ZNF302: variants seen among roughly 807,000 people sequenced by gnomAD.
ZNF302 encodes zinc finger protein 327.
Under a neutral mutation model 10.8 loss-of-function variants are expected in ZNF302, and 12 were observed. The ratio of observed to expected loss-of-function variants is 1.11; its 90% CI spans 0.71 to 1.79. ZNF302 has a LOEUF of 1.79. Ranked by LOEUF, ZNF302 falls within the 40% of genes most tolerant of loss-of-function variation. ZNF302 has a pLI of 0.00. For missense variants in ZNF302, 461 were observed against 471.1 expected (o/e 0.98, Z 0.20); for synonymous variants, 178 against 157.5 (o/e 1.13, Z -0.98).
At chr19:34,678,632 C>T (rs2068139722) in intron 1 of ZNF302, 105 bp from the exon 2 acceptor site, 2 of 628,454 alleles carry the variant, frequency 3.2e-6, no homozygotes, top group Non-Finnish European at 5.6e-6. Context: ...ATTGACGCTC[C>T]GGCGAGTGAT....
chr19:34,683,343 C>T (rs547927590), intron 4 of ZNF302, 105 bp downstream of exon 4: 1 of 1,323,568 alleles, frequency 7.6e-7, no homozygotes, highest in South Asian at 1.4e-5. Flanking sequence ...TCAAAGATCT[C>T]AGATAGAAAT....
Position 34,685,150 on chromosome 19 carries a change from C to T in ZNF302, c.1113C>T (p.Cys371=). ...RIHSMKKKYE[C]NKCLKVFSSF... ...ACAGTATGAAGAAAAAATATGAATG[C>T]AACAAATGTCTCAAGGTCTTTAGTA... The change falls in exon 5 of 5, where the codon TGC becomes TGT. Residue 371 remains cysteine, a synonymous_variant. Transcript: ENST00000505242. 1 of 1,610,202 alleles carries T rather than the reference C, an allele frequency of 6.2e-7. No individual in the cohort carries two copies. Among genetic ancestry groups the T allele is most frequent in the Non-Finnish European group, 8.5e-7 (1 of 1,178,682 alleles).
rs762107773 is a variant in ZNF302 at position 34,685,014 on chromosome 19, C to T, written c.977C>T (p.Ser326Leu). 2.2e-5 allele frequency: 36 copies of T among 1,613,502 alleles called. No homozygotes were observed. The highest frequency in any genetic ancestry group is 7.7e-5 in the South Asian group (7 of 91,012). Residue 326 changes from serine (S) to leucine (L), a missense_variant, in exon 5 of 5, where the codon TCG (serine) becomes TTG (leucine). Ser to Leu is a moderately radical substitution (Grantham distance 145, BLOSUM62 -2). Transcript: ENST00000505242. ...RICGKAFIHS[S>L]SLIHHQKSHT... ...TGTGGAAAGGCCTTCATTCATAGTT[C>T]GTCTCTCATTCACCATCAGAAAAGC...
Position 34,685,478 on chromosome 19 carries a change from T to C in ZNF302, c.*241T>C. The C allele has an allele frequency of 6.3e-7, 1 of 1,589,466 alleles. No individual in the cohort carries two copies. Among genetic ancestry groups the C allele is most frequent in the Non-Finnish European group, 8.6e-7 (1 of 1,158,284 alleles). On this transcript the variant is annotated 3_prime_UTR_variant, in exon 5 of 5. Coordinates refer to ENST00000505242, the MANE Select transcript of ZNF302 (RefSeq NM_001289187.2). ...GAGAATTCATACTGGAGAAAAGCCA[T>C]ATAAATGTAGTGAGTGTGGGAAAGC...
At position 34,684,812 on chromosome 19, in the gene ZNF302, T is replaced by A; in HGVS notation, c.775T>A (p.Cys259Ser). The A allele has an allele frequency of 1.2e-6, 2 of 1,613,880 alleles. No homozygotes were observed. Among genetic ancestry groups the A allele is most frequent in the Non-Finnish European group, 1.7e-6 (2 of 1,179,798 alleles). The change falls in exon 5 of 5, where the codon TGC becomes AGC. Residue 259 changes from cysteine to serine, a missense_variant. Coordinates refer to ENST00000505242, the MANE Select transcript of ZNF302 (RefSeq NM_001289187.2). Reference protein sequence around the residue: ...ISHSGEKPYKCIECGKAFSHG... With the variant: ...ISHSGEKPYKSIECGKAFSHG... ...CCATAGTGGAGAGAAACCTTACAAATGCATTGAATGTGGGAAGGCCTTTAG... is the reference window on the plus strand; with the variant it reads ...CCATAGTGGAGAGAAACCTTACAAAAGCATTGAATGTGGGAAGGCCTTTAG...
At chr19:34,679,638 C>A (rs983988398) in intron 2 of ZNF302, among the ~76,000 whole-genome samples, 6 of 152,210 alleles carry the variant, frequency 3.9e-5, no homozygotes, top group Admixed American at 2.0e-4. Flanking sequence ...TTTCTCAGAA[C>A]AGCTTCCCTG....
In ZNF302 at chr19:34,685,101, A is replaced by G. The variant is rs1481174993; in HGVS notation, c.1064A>G (p.His355Arg). The change falls in exon 5 of 5, where the codon CAC becomes CGC. Residue 355 changes from histidine (H) to arginine (R), a missense_variant. By Grantham distance (29) the His-to-Arg change is conservative. Transcript: ENST00000505242. Reference protein sequence around the residue: ...ECGKAFCCSSHLTQHQRIHSM... With the variant: ...ECGKAFCCSSRLTQHQRIHSM... ...GGGAAAGCTTTCTGCTGTAGCTCAC[A>G]CCTTACTCAACATCAAAGAATTCAC... is the stretch of plus-strand genomic sequence containing the variant. 1.9e-6 allele frequency: 3 copies of G among 1,613,092 alleles called. No homozygotes were observed. Among genetic ancestry groups the G allele is most frequent in the Admixed American group, 1.7e-5 (1 of 59,748 alleles).
rs2145258932 is a variant in ZNF302 at position 34,678,744 on chromosome 19, C to G, written c.-61C>G. The stretch of plus-strand genomic sequence containing the variant: ...GCCTTTCTGTGCCCTCAGGACACTG[C>G]CCATCTCTAAGATAAGAACCTGGAA... On this transcript the variant is annotated 5_prime_UTR_variant, in exon 2 of 5. Transcript: ENST00000505242. 6.2e-7 allele frequency: 1 copy of G among 1,604,278 alleles called. No individual in the cohort carries two copies. Among genetic ancestry groups the G allele is most frequent in the Non-Finnish European group, 8.5e-7 (1 of 1,171,408 alleles).
At chr19:34,679,622 G>A (rs952492348) in intron 2 of ZNF302, among the ~76,000 whole-genome samples, 4 of 152,086 alleles carry the variant, frequency 2.6e-5, no homozygotes, top group African/African-American at 7.2e-5. Context: ...TTTGTTCCGT[G>A]GTTACTTTCT....
chr19:34,685,610 AC>A lies in ZNF302; in HGVS notation c.*374del. The A allele has an allele frequency of 8.8e-7, 1 of 1,131,852 alleles. No individual in the cohort carries two copies. The highest frequency in any genetic ancestry group is 1.3e-6 in the Non-Finnish European group (1 of 757,268). 70.1% of individuals were successfully genotyped at this position (1,131,852 alleles called of 1,614,324 possible). A position where few individuals can be genotyped will look rare whatever the true frequency, so the allele number is the denominator to read the frequency against. ...GCCTTTAGATCATATGAATCCCTATACATGTGAGAAATCTTACAGAAGAGAA... is the reference window on the plus strand; with the variant it reads ...GCCTTTAGATCATATGAATCCCTATAATGTGAGAAATCTTACAGAAGAGAA... On this transcript the variant is annotated 3_prime_UTR_variant, in exon 5 of 5. Coordinates refer to ENST00000505242, the MANE Select transcript of ZNF302 (RefSeq NM_001289187.2).
chr19:34,680,171 T>TG (rs2068265933), intron 2 of ZNF302, among the ~76,000 whole-genome samples: 1 of 152,216 alleles, frequency 6.6e-6, no homozygotes, highest in Non-Finnish European at 1.5e-5. Context: ...AGCAAGAACC[T>TG]GCCTCTTGAA....
chr19:34,682,681 G>A (rs1443900751), intron 2 of ZNF302, 96 bp from the exon 3 acceptor site: 13 of 1,564,084 alleles, frequency 8.3e-6, no homozygotes, highest in Non-Finnish European at 1.1e-5. Flanking sequence ...CCTGAATCTT[G>A]TTCCATTTCT....
chr19:34,685,827 G>T lies in ZNF302; in HGVS notation c.*590G>T, dbSNP rs144123034. 6,374 of 367,836 alleles carry T rather than the reference G, an allele frequency of 0.017. 73 individuals are homozygous for T. The highest frequency in any genetic ancestry group is 0.023 in the Non-Finnish European group (4,726 of 202,486). The allele number at this position is 367,836 out of a possible 1,614,324, so 22.8% of individuals were successfully genotyped here. On this transcript the variant is annotated 3_prime_UTR_variant, in exon 5 of 5. Transcript: ENST00000505242. ...AATAAATGTGGGAAAGCCTTTGTCA[G>T]TATTAATCCCTTAATTGACCTAAGT...
intron 4 of ZNF302, among the ~76,000 whole-genome samples, chr19:34,683,742 G>A (rs1445690517): frequency 6.6e-6 from 1 of 152,084 alleles, no homozygotes; most frequent in African/African-American, 2.4e-5. Flanking sequence ...ATCTTTGTCA[G>A]CTATAAAGAG....
rs779940002 is a variant in ZNF302, at chr19:34,684,863, C to G, written c.826C>G (p.Gln276Glu). The G allele has an allele frequency of 6.2e-7, 1 of 1,613,816 alleles. No individual in the cohort carries two copies. The highest frequency in any genetic ancestry group is 1.1e-5 in the South Asian group (1 of 91,042). Reference protein sequence around the residue: ...FSHGSSLTNHQSTHTGEKPYE... With the variant: ...FSHGSSLTNHESTHTGEKPYE... Reference sequence around the variant, plus strand: ...CCATGGCTCATCACTTACTAACCATCAGAGCACTCACACGGGAGAGAAACC... The same window carrying G: ...CCATGGCTCATCACTTACTAACCATGAGAGCACTCACACGGGAGAGAAACC... The change falls in exon 5 of 5, where the codon CAG becomes GAG. Residue 276 changes from glutamine (Q) to glutamate (E), a missense_variant. Coordinates refer to ENST00000505242, the MANE Select transcript of ZNF302 (RefSeq NM_001289187.2).
Position 34,685,671 on chromosome 19 carries a change from C to T in ZNF302, c.*434C>T. 1 of 751,574 alleles carries T rather than the reference C, an allele frequency of 1.3e-6. No individual in the cohort carries two copies. The highest frequency in any genetic ancestry group is 2.5e-5 in the East Asian group (1 of 40,516). The allele number at this position is 751,574 out of a possible 1,614,324, so 46.6% of individuals were successfully genotyped here. On this transcript the variant is annotated 3_prime_UTR_variant, in exon 5 of 5. Transcript: ENST00000505242. Reference sequence around the variant, plus strand: ...ATCACGGTAAACTTCATTCATAGATCCTCCCTTATTTAACATCAGAAAAAT... The same window carrying T: ...ATCACGGTAAACTTCATTCATAGATTCTCCCTTATTTAACATCAGAAAAAT...
Position 34,684,562 on chromosome 19 carries a change from T to C in ZNF302, c.525T>C (p.Asn175=), listed in dbSNP as rs757740576. 1.9e-6 allele frequency: 3 copies of C among 1,613,728 alleles called. No individual in the cohort carries two copies. The highest frequency in any genetic ancestry group is 2.5e-6 in the Non-Finnish European group (3 of 1,179,822). Reference sequence around the variant, plus strand: ...TAAATGGTGGAAAGAAACTTTTAAATTCTAATAAAAGTGGGGCAGCCTTCA... The same window carrying C: ...TAAATGGTGGAAAGAAACTTTTAAACTCTAATAAAAGTGGGGCAGCCTTCA... ...ERINGGKKLL[N]SNKSGAAFNQ... is the part of the protein sequence containing the mutation. Residue 175 remains asparagine (N), a synonymous_variant, in exon 5 of 5, where the codon AAT becomes AAC. Transcript: ENST00000505242.
At position 34,684,410 on chromosome 19, in the gene ZNF302, A is replaced by G; in HGVS notation, c.373A>G (p.Arg125Gly). The change falls in exon 5 of 5, where the codon AGA becomes GGA. Residue 125 changes from arginine to glycine, a missense_variant. Physicochemically the swap from Arg to Gly is moderately radical, Grantham distance 125 (BLOSUM62 -2). Coordinates refer to ENST00000505242, the MANE Select transcript of ZNF302 (RefSeq NM_001289187.2). ...GGAATATACAGAATGCGACACATTT[A>G]GAAGCACCTTTCATTCAAAGTCTAC... is the stretch of plus-strand genomic sequence containing the variant. ...NLEYTECDTF[R>G]STFHSKSTLS... 1 of 1,612,714 alleles carries G rather than the reference A, an allele frequency of 6.2e-7. No homozygotes were observed. Among genetic ancestry groups the G allele is most frequent in the Non-Finnish European group, 8.5e-7 (1 of 1,179,302 alleles).
upstream of ZNF302, chr19:34,676,901 T>A (rs1295664838): frequency 6.6e-6 from 1 of 152,052 alleles, no homozygotes; most frequent in Non-Finnish European, 1.5e-5. Flanking sequence ...GAAGCACTTC[T>A]GGGGAGAGGG....
Sources: gnomAD v4.1 joint callset for allele counts (sites outside exome capture counted in the v4.1 genomes callset) on GRCh38, gnomAD v4.1.1 for gene constraint, MANE v1.5 for transcripts, NCBI Gene and HGNC (gene_info 2026-07-23, HGNC 2026-07-21) for gene names.